ZNF587: variants seen among roughly 807,000 people sequenced by gnomAD.
ZNF587 encodes the protein zinc finger protein zfp6.
Under a neutral mutation model 7.5 loss-of-function variants are expected in ZNF587, and 8 were observed. The observed-to-expected ratio is 1.06, with a 90% CI of 0.62 to 1.92. The LOEUF is 1.92. Ranked by LOEUF, ZNF587 falls within the 40% of genes most tolerant of loss-of-function variation. The pLI is 0.00. For synonymous variants in ZNF587, 145 were observed against 237.8 expected, an observed-to-expected ratio of 0.61 and a Z score of 3.59; for missense variants, 468 against 692.8, an observed-to-expected ratio of 0.68 and a Z score of 3.64.
At chr19:57,856,638 G>C (rs886335539) in intron 2 of ZNF587, among the ~76,000 whole-genome samples, 4 of 151,952 alleles carry the variant, frequency 2.6e-5, no homozygotes, top group African/African-American at 4.8e-5. Flanking sequence ...TTGATCTCCT[G>C]ACCTCGTGAT....
In ZNF587 at chr19:57,850,025, C is replaced by T; in HGVS notation, c.-14C>T. On this transcript the variant is annotated 5_prime_UTR_variant, in exon 1 of 3. Coordinates refer to ENST00000339656, the MANE Select transcript of ZNF587 (RefSeq NM_032828.4). ...CGACCACTGCTCCCGGGCCGTGCTT[C>T]CCCAAGTAGTCCGATGGCAGCGGCT... 2 of 1,614,244 alleles carry T rather than the reference C, an allele frequency of 1.2e-6. No homozygotes were observed. The highest frequency in any genetic ancestry group is 8.5e-7 in the Non-Finnish European group (1 of 1,180,042).
At position 57,861,219 on chromosome 19, in the gene ZNF587, A is replaced by G. The variant is rs2071428303; in HGVS notation, c.*1079A>G. 1.3e-5 allele frequency: 2 copies of G among 152,142 alleles called. No homozygotes were observed. Among genetic ancestry groups the G allele is most frequent in the Admixed American group, 1.3e-4 (2 of 15,274 alleles). 9.4% of individuals were successfully genotyped at this position (152,142 alleles called of 1,614,324 possible). On this transcript the variant is annotated 3_prime_UTR_variant, in exon 3 of 3. Coordinates refer to ENST00000339656, the MANE Select transcript of ZNF587 (RefSeq NM_032828.4). Reference sequence around the variant, plus strand: ...TTGCTCATTTGTATATCTATCTACCATCAGTGTCCAAGAATTTCTGTTCTA... The same window carrying G: ...TTGCTCATTTGTATATCTATCTACCGTCAGTGTCCAAGAATTTCTGTTCTA...
At chr19:57,850,271 T>A (rs1334030739) in intron 1 of ZNF587, 200 bp downstream of exon 1, 5 of 826,860 alleles carry the variant, frequency 6.0e-6, no homozygotes, top group Non-Finnish European at 7.7e-6. Flanking sequence ...TTATGAAGAC[T>A]GGGGAATTGC....
intron 1 of ZNF587, chr19:57,852,179 A>C (rs903448163): frequency 5.1e-6 from 2 of 393,050 alleles, no homozygotes; most frequent in African/African-American, 4.2e-5. Context: ...ACCCTGGAGA[A>C]TCTCTGAAGC....
At position 57,859,496 on chromosome 19, in the gene ZNF587, C is replaced by T. The variant is rs755988325; in HGVS notation, c.1084C>T (p.Arg362Cys). ...YHCGECGKSF[R>C]QKFCFINHQR... ...CTGTGGGGAATGTGGGAAATCTTTT[C>T]GTCAGAAGTTCTGCTTTATTAACCA... The change falls in exon 3 of 3, where the codon CGT becomes TGT. Residue 362 changes from arginine to cysteine, a missense_variant. Coordinates refer to ENST00000339656, the MANE Select transcript of ZNF587 (RefSeq NM_032828.4). 18 of 1,611,502 alleles carry T rather than the reference C, an allele frequency of 1.1e-5. No homozygotes were observed. Among genetic ancestry groups the T allele is most frequent in the African/African-American group, 5.4e-5 (4 of 73,796 alleles).
chr19:57,851,453 C>A (rs1600117196), intron 1 of ZNF587: 1 of 152,154 alleles, frequency 6.6e-6, no homozygotes, highest in South Asian at 2.1e-4. Flanking sequence ...AAGATGGAGT[C>A]GGTTAGGTCT....
At chr19:57,850,213 G>C in intron 1 of ZNF587, 142 bp downstream of exon 1, 6 of 1,498,738 alleles carry the variant, frequency 4.0e-6, no homozygotes, top group Non-Finnish European at 5.5e-6. Context: ...GCCTCTCCTT[G>C]TAACCGTCCA....
intron 1 of ZNF587, chr19:57,852,536 TTTTTC>T (rs1436368288): frequency 5.1e-6 from 2 of 395,696 alleles, no homozygotes; most frequent in African/African-American, 4.1e-5. Context: ...TTTTCTTTTT[TTTTTC>T]TTAACGTGGA....
At chr19:57,856,654 T>G (rs1230804033) in intron 2 of ZNF587, among the ~76,000 whole-genome samples, 1 of 151,892 alleles carries the variant, frequency 6.6e-6, no homozygotes, top group Non-Finnish European at 1.5e-5. Flanking sequence ...GTGATCCACC[T>G]GCCTTGGCCT....
chr19:57,857,316 A>C (rs982052305), intron 2 of ZNF587: 1 of 152,102 alleles, frequency 6.6e-6, no homozygotes, highest in South Asian at 2.1e-4. Flanking sequence ...GTAGGCACAC[A>C]CTATTTGTCT....
chr19:57,859,022 C>A lies in ZNF587; in HGVS notation c.610C>A (p.Pro204Thr). ...KTDSETMHGP[P>T]FQEGKTNYSC... ...AGACAGTGAAACTATGCATGGCCCACCCTTTCAGGAGGGAAAAACTAATTA... is the reference window on the plus strand; with the variant it reads ...AGACAGTGAAACTATGCATGGCCCAACCTTTCAGGAGGGAAAAACTAATTA... The change falls in exon 3 of 3, where the codon CCC becomes ACC. Residue 204 changes from proline (P) to threonine (T), a missense_variant. Physicochemically the swap from Pro to Thr is conservative, Grantham distance 38. Coordinates refer to ENST00000339656, the MANE Select transcript of ZNF587 (RefSeq NM_032828.4). 6.2e-7 allele frequency: 1 copy of A among 1,612,602 alleles called. No homozygotes were observed. The highest frequency in any genetic ancestry group is 8.5e-7 in the Non-Finnish European group (1 of 1,179,684).
intron 2 of ZNF587, among the ~76,000 whole-genome samples, chr19:57,856,696 C>T (rs1202989919): frequency 7.0e-6 from 1 of 143,292 alleles, no homozygotes; most frequent in Non-Finnish European, 1.5e-5. Context: ...GCGTGAGCCA[C>T]CACGCCCAGC....
chr19:57,854,983 T>A (rs530720129), intron 1 of ZNF587, among the ~76,000 whole-genome samples: 5 of 151,660 alleles, frequency 3.3e-5, no homozygotes, highest in Non-Finnish European at 7.4e-5. Flanking sequence ...GAGACCATCC[T>A]GGCTAACACA....
intron 1 of ZNF587, chr19:57,852,443 C>T (rs1054747848): frequency 7.5e-6 from 3 of 398,566 alleles, no homozygotes; most frequent in Admixed American, 4.4e-5. Flanking sequence ...TGCCATAATC[C>T]AGGTGAGGGT....
At chr19:57,856,055 G>C in intron 1 of ZNF587, 49 bp from the exon 2 acceptor site, 1 of 1,609,056 alleles carries the variant, frequency 6.2e-7, no homozygotes, top group Non-Finnish European at 8.5e-7. Context: ...GGTGGGTTGT[G>C]GTACCTCAGC....
At position 57,863,867 on chromosome 19, in the gene ZNF587, T is replaced by A. The variant is rs1451391680; in HGVS notation, c.*3727T>A. The A allele has an allele frequency of 6.6e-6, 1 of 151,250 alleles. No homozygotes were observed. Among genetic ancestry groups the A allele is most frequent in the Non-Finnish European group, 1.5e-5 (1 of 67,858 alleles). 9.4% of individuals were successfully genotyped at this position (151,250 alleles called of 1,614,324 possible). On this transcript the variant is annotated 3_prime_UTR_variant, in exon 3 of 3. Coordinates refer to ENST00000339656, the MANE Select transcript of ZNF587 (RefSeq NM_032828.4). ...AGACCACCCTGGCCAATATTGTGAATTCCTGTCTCTACTAAAAATACAAAA... is the reference window on the plus strand; with the variant it reads ...AGACCACCCTGGCCAATATTGTGAAATCCTGTCTCTACTAAAAATACAAAA...
At chr19:57,857,161 T>A (rs2071367629) in intron 2 of ZNF587, 1 of 151,982 alleles carries the variant, frequency 6.6e-6, no homozygotes, top group Non-Finnish European at 1.5e-5. Flanking sequence ...TGACAAGATG[T>A]GGTTCAATTC....
intron 2 of ZNF587, among the ~76,000 whole-genome samples, chr19:57,856,787 T>C (rs1175931913): frequency 2.6e-5 from 4 of 152,060 alleles, no homozygotes; most frequent in Non-Finnish European, 5.9e-5. Context: ...AGGAGTCTTA[T>C]AGGCACCTTA....
At position 57,861,833 on chromosome 19, in the gene ZNF587, C is replaced by T. The variant is rs2122365668; in HGVS notation, c.*1693C>T. On this transcript the variant is annotated 3_prime_UTR_variant, in exon 3 of 3. Transcript: ENST00000339656. ...TGTCTCCTAAGCTACAGTGAAGTGG[C>T]ATGATCTCGGCCCACTGCAACCTCC... The T allele has an allele frequency of 7.2e-6, 1 of 139,118 alleles. No individual in the cohort carries two copies. The highest frequency in any genetic ancestry group is 2.7e-5 in the African/African-American group (1 of 36,724). 8.6% of individuals were successfully genotyped at this position (139,118 alleles called of 1,614,324 possible).
Sources: allele counts gnomAD v4.1 joint callset (sites outside exome capture counted in the v4.1 genomes callset), GRCh38; gene constraint gnomAD v4.1.1; transcripts MANE v1.5; gene names NCBI Gene and HGNC (gene_info 2026-07-23, HGNC 2026-07-21).